NMNAT2: variants seen among roughly 807,000 people sequenced by gnomAD.
NMNAT2 encodes the protein nicotinamide nucleotide adenylyltransferase 2, also known as nicotinamide/nicotinic acid mononucleotide adenylyltransferase 2.
A neutral mutation model predicts 41.6 loss-of-function variants in NMNAT2; 11 were observed. That is an observed-to-expected ratio of 0.26 (90% CI 0.17 to 0.44). The LOEUF (loss-of-function observed/expected upper bound fraction) is 0.44, where lower values mean the gene tolerates loss of function less well. NMNAT2 is among the 20% of genes least tolerant of loss of function. The pLI is 1.00. For missense variants in NMNAT2, 288 were observed against 407.7 expected (o/e 0.71, Z 2.53); for synonymous variants, 148 against 151.2 (o/e 0.98, Z 0.16).
intron 1 of NMNAT2, among the ~76,000 whole-genome samples, chr1:183,375,112 A>AT (rs1663644133): frequency 6.6e-6 from 1 of 152,136 alleles, no homozygotes; most frequent in Non-Finnish European, 1.5e-5. Context: ...TTCCTAACTC[A>AT]TGCCCCTACC....
Position 183,249,417 on chromosome 1 carries a change from G to T in NMNAT2, c.*3224C>A, listed in dbSNP as rs200669366. On this transcript the variant is annotated 3_prime_UTR_variant, in exon 11 of 11. Transcript: ENST00000287713. ...TTTTTGCTGGTGAACAGGAAACAAA[G>T]CTCCAGACCCCTCTGGACATGATTG... 1 of 152,140 alleles carries T rather than the reference G, an allele frequency of 6.6e-6. No homozygotes were observed. The highest frequency in any genetic ancestry group is 1.5e-5 in the Non-Finnish European group (1 of 68,034). 9.4% of individuals were successfully genotyped at this position (152,140 alleles called of 1,614,324 possible). A position where few individuals can be genotyped will look rare whatever the true frequency, so the allele number is the denominator to read the frequency against.
Position 183,308,202 on chromosome 1 carries a change from G to C in NMNAT2, c.86-14409C>G, listed in dbSNP as rs147253041. 2.0e-4 allele frequency among the ~76,000 whole-genome samples: 31 copies of C among 152,266 alleles called. No homozygotes were observed. In the East Asian group the frequency reaches 5.8e-3, roughly 28 times the overall value. ...CTGACCCAGAGGTATGATCCCAGGG[G>C]ACACCAACATGAAGCAATCTTAAAA... On this transcript the variant is annotated intron_variant, in intron 1 of 10. Transcript: ENST00000287713.
intron 1 of NMNAT2, among the ~76,000 whole-genome samples, chr1:183,356,696 G>A (rs1427654770): frequency 3.9e-5 from 6 of 152,186 alleles, no homozygotes; most frequent in South Asian, 2.1e-4. Context: ...ATATAAACAC[G>A]CTGAGTTAAC....
chr1:183,346,266 A>C (rs557311054), intron 1 of NMNAT2, among the ~76,000 whole-genome samples: 31 of 152,198 alleles, frequency 2.0e-4, no homozygotes, highest in African/African-American at 7.2e-4. Context: ...GGGTCAACAC[A>C]AATCAGTCCA....
chr1:183,267,819 G>A (rs1660858078), intron 8 of NMNAT2, among the ~76,000 whole-genome samples: 1 of 152,102 alleles, frequency 6.6e-6, no homozygotes, highest in Admixed American at 6.5e-5. Flanking sequence ...TGGCCAATGC[G>A]GTAGAACTGT....
intron 8 of NMNAT2, among the ~76,000 whole-genome samples, chr1:183,270,813 G>C (rs185323294): frequency 6.6e-6 from 1 of 152,320 alleles, no homozygotes; most frequent in Admixed American, 6.5e-5. Flanking sequence ...AGTCCATCAG[G>C]CTTCCTGGCT....
At chr1:183,397,489 G>A (rs1385156094) in intron 1 of NMNAT2, among the ~76,000 whole-genome samples, 1 of 152,142 alleles carries the variant, frequency 6.6e-6, no homozygotes, top group Non-Finnish European at 1.5e-5. Context: ...AAAACACTCT[G>A]CAGGATATTA....
intron 1 of NMNAT2, among the ~76,000 whole-genome samples, chr1:183,355,207 G>A (rs753077278): frequency 7.9e-5 from 12 of 152,064 alleles, no homozygotes; most frequent in Admixed American, 3.3e-4. Context: ...CGATTTCCTC[G>A]GAGAGGACTT....
intron 1 of NMNAT2, among the ~76,000 whole-genome samples, chr1:183,406,793 C>T (rs1648967116): frequency 8.4e-6 from 1 of 118,718 alleles, no homozygotes; most frequent in Non-Finnish European, 1.9e-5. Context: ...AAAAAAGAAA[C>T]TCAACTGCTC....
chr1:183,341,523 CAAAAA>C, intron 1 of NMNAT2, among the ~76,000 whole-genome samples: 1 of 81,350 alleles, frequency 1.2e-5, no homozygotes, highest in African/African-American at 5.0e-5. Context: ...ACAAAAAATG[CAAAAA>C]AAAAAAAAAA....
intron 8 of NMNAT2, among the ~76,000 whole-genome samples, chr1:183,272,912 C>A (rs1490070090): frequency 4.6e-5 from 7 of 152,202 alleles, no homozygotes; most frequent in African/African-American, 1.7e-4. Flanking sequence ...AAGCTTTGAT[C>A]TCCCTCCTGC....
intron 1 of NMNAT2, among the ~76,000 whole-genome samples, chr1:183,417,626 G>A (rs923132414): frequency 7.9e-5 from 12 of 152,274 alleles, no homozygotes; most frequent in Non-Finnish European, 1.5e-4. Flanking sequence ...CCCAAACACT[G>A]GTCCCTGGGC....
intron 1 of NMNAT2, among the ~76,000 whole-genome samples, chr1:183,320,800 C>T (rs1163984586): frequency 2.0e-5 from 3 of 152,180 alleles, no homozygotes; most frequent in Non-Finnish European, 4.4e-5. Flanking sequence ...CCAAGCAGGT[C>T]ACAGTTCTTT....
At chr1:183,366,884 G>T (rs938578713) in intron 1 of NMNAT2, among the ~76,000 whole-genome samples, 1 of 151,984 alleles carries the variant, frequency 6.6e-6, no homozygotes, top group Non-Finnish European at 1.5e-5. Context: ...AAGCAAAACC[G>T]GCTTATCTGT....
chr1:183,304,604 G>T, intron 1 of NMNAT2: 3 of 1,436,682 alleles, frequency 2.1e-6, no homozygotes, highest in South Asian at 1.2e-5. Flanking sequence ...CTGTTTTCTT[G>T]ACCATCTGCA....
intron 1 of NMNAT2, among the ~76,000 whole-genome samples, chr1:183,349,572 G>T (rs1250702500): frequency 2.0e-5 from 3 of 152,216 alleles, no homozygotes; most frequent in Non-Finnish European, 4.4e-5. Context: ...AAGCCTTTGG[G>T]GCAGGCAAGA....
chr1:183,374,037 C>T (rs1663617917), intron 1 of NMNAT2, among the ~76,000 whole-genome samples: 1 of 152,164 alleles, frequency 6.6e-6, no homozygotes, highest in African/African-American at 2.4e-5. Context: ...TGCAATAACT[C>T]AGGTGTTGGA....
In NMNAT2 at chr1:183,286,712, G is replaced by T. The variant is rs985073663; in HGVS notation, c.398C>A (p.Thr133Asn). 2.5e-6 allele frequency: 4 copies of T among 1,612,512 alleles called. No homozygotes were observed. The highest frequency in any genetic ancestry group is 1.7e-5 in the Admixed American group (1 of 59,688). ...GCTGTTCTGGTAAATGGGCTGGGGG[G>T]TCTCGTTTTGTGGCTGTCCGATCAC... Reference protein sequence around the residue: ...TPVIGQPQNETPQPIYQNSNV... With the variant: ...TPVIGQPQNENPQPIYQNSNV... Residue 133 changes from threonine to asparagine, a missense_variant, in exon 5 of 11, where the codon ACC (threonine) becomes AAC (asparagine). Around this residue, in one of 3 missense-constraint regions of NMNAT2, gnomAD observed 181 missense variants for 213.7 expected, o/e 0.85. Coordinates refer to ENST00000287713, the MANE Select transcript of NMNAT2 (RefSeq NM_015039.4).
At chr1:183,275,374 T>C (rs1164580891) in intron 8 of NMNAT2, among the ~76,000 whole-genome samples, 1 of 152,144 alleles carries the variant, frequency 6.6e-6, no homozygotes, top group Non-Finnish European at 1.5e-5. Context: ...TCTAAGGACC[T>C]CGCAGATCAG....
Sources: allele counts gnomAD v4.1 joint callset (sites outside exome capture counted in the v4.1 genomes callset), GRCh38; gene constraint gnomAD v4.1.1; regional missense constraint gnomAD v4.1.1; transcripts MANE v1.5; gene names NCBI Gene and HGNC (gene_info 2026-07-23, HGNC 2026-07-21).